The following WNT3A variants were observed in gnomAD, a reference collection of about 807,000 sequenced individuals.
WNT3A encodes protein Wnt-3a.
In WNT3A, 17 loss-of-function variants were observed where a neutral mutation model predicts 37.0. The observed-to-expected ratio is 0.46, with a 90% CI of 0.31 to 0.69. The LOEUF (loss-of-function observed/expected upper bound fraction) is 0.69. Among genes scored for constraint, WNT3A ranks in the 30% least tolerant of loss-of-function variants. WNT3A has a pLI of 0.05. For missense variants in WNT3A, 411 were observed against 510.2 expected, an observed-to-expected ratio of 0.81 and a Z score of 1.87; for synonymous variants, 187 against 211.0, an observed-to-expected ratio of 0.89 and a Z score of 0.99.
At position 228,042,453 on chromosome 1, in the gene WNT3A, A is replaced by ATGATGGATGAATGG. The variant is rs200174458; in HGVS notation, c.314-8179_314-8166dup. On this transcript the variant is annotated intron_variant, in intron 2 of 3. Coordinates refer to ENST00000284523, the MANE Select transcript of WNT3A (RefSeq NM_033131.4). This position sits in a 1 kb window ranked among gnomAD's most constrained non-coding sequence, Gnocchi z 5.2. ...AGATGGATGAATGGATGATGGGTGG[A>ATGATGGATGAATGG]TGATGGATGAATGGTGATGGATGAA... is the stretch of plus-strand genomic sequence containing the variant. Among the ~76,000 whole-genome samples, 3 of 151,044 alleles carry ATGATGGATGAATGG rather than the reference A, an allele frequency of 2.0e-5. No individual in the cohort carries two copies. The highest frequency in any genetic ancestry group is 4.4e-5 in the Non-Finnish European group (3 of 67,788).
intron 2 of WNT3A, among the ~76,000 whole-genome samples, chr1:228,023,550 TAG>T (rs554714883): frequency 7.3e-6 from 1 of 136,246 alleles, no homozygotes; most frequent in Non-Finnish European, 1.6e-5. Flanking sequence ...GAGACAGAAA[TAG>T]AGAGAGACAA....
At chr1:228,055,722 T>C (rs1031006723) in intron 3 of WNT3A, among the ~76,000 whole-genome samples, 1 of 152,168 alleles carries the variant, frequency 6.6e-6, no homozygotes, top group Non-Finnish European at 1.5e-5. Context: ...TCTGATATCT[T>C]GAGAAGTTGA....
rs368853021 is a variant in WNT3A, at chr1:228,028,113, A to G, written c.313+5205A>G. On this transcript the variant is annotated intron_variant, in intron 2 of 3. Transcript: ENST00000284523. ...TTTTGGCTTTATTTCTGGGTTCTCT[A>G]TTCTGTTCCATTGGTCTATGTGCCT... Among the ~76,000 whole-genome samples, 53 of 152,136 alleles carry G rather than the reference A, an allele frequency of 3.5e-4. 1 individual carries two copies. The highest frequency in any genetic ancestry group is 1.2e-3 in the African/African-American group (48 of 41,530).
chr1:228,018,215 G>A (rs1274810955), intron 1 of WNT3A, among the ~76,000 whole-genome samples: 1 of 152,082 alleles, frequency 6.6e-6, no homozygotes, highest in Non-Finnish European at 1.5e-5. Flanking sequence ...ACTCCCTGGC[G>A]AGACCCTGAG....
intron 3 of WNT3A, 142 bp downstream of exon 3, chr1:228,051,063 C>CGA: frequency 8.9e-7 from 1 of 1,120,854 alleles, no homozygotes; most frequent in Non-Finnish European, 1.2e-6. Flanking sequence ...CTGGGGTGTG[C>CGA]GAAGCTTAGC....
At position 228,026,431 on chromosome 1, in the gene WNT3A, A is replaced by G. The variant is rs533288451; in HGVS notation, c.313+3523A>G. Among the ~76,000 whole-genome samples the G allele has an allele frequency of 3.7e-4, 57 of 152,270 alleles. 1 individual carries two copies. Among genetic ancestry groups the G allele is most frequent in the East Asian group, 1.5e-3 (8 of 5,190 alleles). On this transcript the variant is annotated intron_variant, in intron 2 of 3. Transcript: ENST00000284523. ...TGCCTGCATATATGGTGTTGGCTGC[A>G]GGTTTTTCTTTCTTTCTTTTTATTT...
chr1:228,013,898 G>A lies in WNT3A; in HGVS notation c.71+6699G>A, dbSNP rs75350610. On this transcript the variant is annotated intron_variant, in intron 1 of 3. Transcript: ENST00000284523. The stretch of plus-strand genomic sequence containing the variant: ...CCTGATCTTAAGAAGACAAAGATTT[G>A]GAACAGGATGTTTGCTCCAGAGGCC... Among the ~76,000 whole-genome samples, 4 of 152,318 alleles carry A rather than the reference G, an allele frequency of 2.6e-5. No homozygotes were observed. In the East Asian group the frequency reaches 7.7e-4, roughly 29 times the overall value.
chr1:228,018,320 C>T (rs904006359), intron 1 of WNT3A, among the ~76,000 whole-genome samples: 1 of 152,098 alleles, frequency 6.6e-6, no homozygotes, highest in Non-Finnish European at 1.5e-5. Context: ...CTGATGGATT[C>T]CGGGCATCTG....
At chr1:228,044,197 G>A (rs2031350160) in intron 2 of WNT3A, among the ~76,000 whole-genome samples, 1 of 152,046 alleles carries the variant, frequency 6.6e-6, no homozygotes, top group Admixed American at 6.6e-5. Flanking sequence ...ATGTTGCCCA[G>A]GTTTAACTTT....
At chr1:228,045,917 T>C (rs2031392499) in intron 2 of WNT3A, among the ~76,000 whole-genome samples, 1 of 152,142 alleles carries the variant, frequency 6.6e-6, no homozygotes, top group East Asian at 1.9e-4. Flanking sequence ...GTGCTCCAGA[T>C]TGCAAATAAA....
chr1:228,040,422 T>C (rs904229957), intron 2 of WNT3A, among the ~76,000 whole-genome samples: 30 of 152,200 alleles, frequency 2.0e-4, no homozygotes, highest in Admixed American at 1.8e-3. Flanking sequence ...GCTTCTTGGG[T>C]CACCTCCCCA....
chr1:228,026,530 GGT>G (rs1294933061), intron 2 of WNT3A, among the ~76,000 whole-genome samples: 1 of 151,968 alleles, frequency 6.6e-6, no homozygotes, highest in South Asian at 2.1e-4. Flanking sequence ...AATTGTTAGT[GGT>G]GAACTGAGAT....
At chr1:228,057,595 A>G (rs1386799881) in intron 3 of WNT3A, among the ~76,000 whole-genome samples, 3 of 152,210 alleles carry the variant, frequency 2.0e-5, no homozygotes, top group Non-Finnish European at 4.4e-5. Flanking sequence ...CCCATAGGAA[A>G]CAGTCAATAT....
rs949013249 is a variant in WNT3A, at chr1:228,060,885, C to A, written c.*1420C>A. ...GGAGGTTTGGGGGGCATCAACCCCC[C>A]GACTGTGCTGCTCGCGAAGGTCCCA... is the stretch of plus-strand genomic sequence containing the variant. On this transcript the variant is annotated 3_prime_UTR_variant, in exon 4 of 4. Transcript: ENST00000284523. The A allele has an allele frequency of 6.5e-6, 1 of 152,696 alleles. No individual in the cohort carries two copies. Among genetic ancestry groups the A allele is most frequent in the Non-Finnish European group, 1.5e-5 (1 of 68,286 alleles). The allele number at this position is 152,696 out of a possible 1,614,324, so 9.5% of individuals were successfully genotyped here.
chr1:228,045,999 T>C lies in WNT3A; in HGVS notation c.314-4657T>C, dbSNP rs575961424. 5.3e-5 allele frequency among the ~76,000 whole-genome samples: 8 copies of C among 152,258 alleles called. No individual in the cohort carries two copies. In the South Asian group the frequency reaches 6.2e-4, roughly 12 times the overall value. ...GGAGTCAGTGGGCAAATCTTCCTGG[T>C]TGGGGAGGGGCAGCCAGGTGTAGAG... On this transcript the variant is annotated intron_variant, in intron 2 of 3. Coordinates refer to ENST00000284523, the MANE Select transcript of WNT3A (RefSeq NM_033131.4).
In WNT3A at chr1:228,038,102, G is replaced by T. The variant is rs1005308504; in HGVS notation, c.314-12554G>T. On this transcript the variant is annotated intron_variant, in intron 2 of 3. Transcript: ENST00000284523. The surrounding 1 kb of genome is among the most constrained non-coding windows in gnomAD (Gnocchi z 5.7). ...GGGCCGCCCGGCGGTGTCAGGGGCC[G>T]TGGCCGCGGTGGGGCGCGGGCCGCA... 6.6e-6 allele frequency among the ~76,000 whole-genome samples: 1 copy of T among 151,954 alleles called. No individual in the cohort carries two copies. Among genetic ancestry groups the T allele is most frequent in the East Asian group, 1.9e-4 (1 of 5,184 alleles).
rs1434067571 is a variant in WNT3A at position 228,007,294 on chromosome 1, G to T, written c.71+95G>T. 1 of 1,285,028 alleles carries T rather than the reference G, an allele frequency of 7.8e-7. No homozygotes were observed. Among genetic ancestry groups the T allele is most frequent in the Admixed American group, 2.3e-5 (1 of 43,126 alleles). The allele number at this position is 1,285,028 out of a possible 1,614,324, so 79.6% of individuals were successfully genotyped here. On this transcript the variant is annotated intron_variant, in intron 1 of 3. Coordinates refer to ENST00000284523, the MANE Select transcript of WNT3A (RefSeq NM_033131.4). This position sits in a 1 kb window ranked among gnomAD's most constrained non-coding sequence, Gnocchi z 6.0. ...AGGGACCCCGCGGTGGCCCGAGCCC[G>T]CGCCCTTCTGCTCCAGCCCCGCGTG...
At position 228,008,001 on chromosome 1, in the gene WNT3A, A is replaced by T. The variant is rs1186544703; in HGVS notation, c.71+802A>T. The stretch of plus-strand genomic sequence containing the variant: ...CCCCAGCCTGGCGATGGAAGTGCAG[A>T]TAAACCAAAGGAAGGGTCCCGAAAG... On this transcript the variant is annotated intron_variant, in intron 1 of 3. Coordinates refer to ENST00000284523, the MANE Select transcript of WNT3A (RefSeq NM_033131.4). The surrounding 1 kb of genome is among the most constrained non-coding windows in gnomAD (Gnocchi z 4.9). 1.3e-5 allele frequency among the ~76,000 whole-genome samples: 2 copies of T among 152,234 alleles called. No individual in the cohort carries two copies. The highest frequency in any genetic ancestry group is 4.8e-5 in the African/African-American group (2 of 41,468).
At chr1:228,030,159 C>T (rs1429992940) in intron 2 of WNT3A, among the ~76,000 whole-genome samples, 1 of 151,902 alleles carries the variant, frequency 6.6e-6, no homozygotes, top group Non-Finnish European at 1.5e-5. Flanking sequence ...CTTTGGGAGG[C>T]GGAGGCGGGC....
Sources: allele counts gnomAD v4.1 joint callset (sites outside exome capture counted in the v4.1 genomes callset), GRCh38; gene constraint gnomAD v4.1.1; non-coding constraint Gnocchi (gnomAD v3.1); transcripts MANE v1.5; gene names NCBI Gene and HGNC (gene_info 2026-07-23, HGNC 2026-07-21).